The following JMY variants were observed in gnomAD, a reference collection of about 807,000 sequenced individuals.
JMY encodes the protein junction mediating and regulatory protein, p53 cofactor.
In JMY, 46 loss-of-function variants were observed where a neutral mutation model predicts 103.3. That is an observed-to-expected ratio of 0.45 (90% CI 0.35 to 0.57). The LOEUF (loss-of-function observed/expected upper bound fraction) is 0.57. JMY is among the 20% of genes least tolerant of loss of function. The pLI is 0.00. For synonymous variants in JMY, 526 were observed against 489.3 expected (o/e 1.07, Z -0.99); for missense variants, 1,238 against 1,255.2 (o/e 0.99, Z 0.21).
chr5:79,266,831 A>G (rs1426498851), intron 1 of JMY, among the ~76,000 whole-genome samples: 1 of 152,162 alleles, frequency 6.6e-6, no homozygotes, highest in Non-Finnish European at 1.5e-5. Flanking sequence ...GTAGAAAGAC[A>G]GACACAGCTT....
At chr5:79,300,909 T>C in intron 6 of JMY, 46 bp downstream of exon 6, 1 of 1,441,236 alleles carries the variant, frequency 6.9e-7, no homozygotes, top group Non-Finnish European at 9.4e-7. Context: ...TTTATCCGTA[T>C]CTACTAATCT....
chr5:79,240,152 A>G (rs940933584), intron 1 of JMY, among the ~76,000 whole-genome samples: 1 of 151,160 alleles, frequency 6.6e-6, no homozygotes, highest in African/African-American at 2.4e-5. Flanking sequence ...AGTAGCTGGG[A>G]TTATAGGCGT....
chr5:79,305,584 AAGTTAC>A (rs1469896843), intron 6 of JMY, among the ~76,000 whole-genome samples: 1 of 152,206 alleles, frequency 6.6e-6, no homozygotes, highest in Non-Finnish European at 1.5e-5. Flanking sequence ...TACTGGTAAA[AAGTTAC>A]CAGAATATAG....
chr5:79,266,826 A>C (rs1745600280), intron 1 of JMY, among the ~76,000 whole-genome samples: 1 of 152,364 alleles, frequency 6.6e-6, no homozygotes, highest in Middle Eastern at 3.4e-3. Context: ...ACAAAGTAGA[A>C]AGACAGACAC....
rs1230378372 is a variant in JMY at position 79,325,099 on chromosome 5, A to G, written c.*3497A>G. 1 of 152,624 alleles carries G rather than the reference A, an allele frequency of 6.6e-6. No homozygotes were observed. Among genetic ancestry groups the G allele is most frequent in the Non-Finnish European group, 1.5e-5 (1 of 68,042 alleles). 9.5% of individuals were successfully genotyped at this position (152,624 alleles called of 1,614,324 possible). A position where few individuals can be genotyped will look rare whatever the true frequency, so the allele number is the denominator to read the frequency against. ...TCTCTCTGTTTGGAATGGGATCAGT[A>G]TACAATTAATACAATTTAATTTTAC... is the stretch of plus-strand genomic sequence containing the variant. On this transcript the variant is annotated 3_prime_UTR_variant, in exon 11 of 11. Coordinates refer to ENST00000396137, the MANE Select transcript of JMY (RefSeq NM_152405.5).
chr5:79,258,176 T>C (rs1352403035), intron 1 of JMY, among the ~76,000 whole-genome samples: 2 of 152,288 alleles, frequency 1.3e-5, no homozygotes, highest in East Asian at 3.9e-4. Context: ...TTACTACTTA[T>C]CTACAAAGGA....
In JMY at chr5:79,325,687, G is replaced by T. The variant is rs1336738407; in HGVS notation, c.*4085G>T. Reference sequence around the variant, plus strand: ...TCAGTAGTTATTTCTGAACTTTGCTGCAAAGTGCTCTTTAGTTAAAGCACA... The same window carrying T: ...TCAGTAGTTATTTCTGAACTTTGCTTCAAAGTGCTCTTTAGTTAAAGCACA... On this transcript the variant is annotated 3_prime_UTR_variant, in exon 11 of 11. Transcript: ENST00000396137. 1 of 152,124 alleles carries T rather than the reference G, an allele frequency of 6.6e-6. No homozygotes were observed. Among genetic ancestry groups the T allele is most frequent in the African/African-American group, 2.4e-5 (1 of 41,438 alleles). The allele number at this position is 152,124 out of a possible 1,614,324, so 9.4% of individuals were successfully genotyped here. A position where few individuals can be genotyped will look rare whatever the true frequency, so the allele number is the denominator to read the frequency against.
intron 6 of JMY, among the ~76,000 whole-genome samples, chr5:79,303,103 T>G (rs1050337849): frequency 2.6e-5 from 4 of 152,102 alleles, no homozygotes; most frequent in African/African-American, 9.7e-5. Context: ...AGTTTTAGAC[T>G]TGCATATAAG....
At chr5:79,275,536 A>G (rs1490982245) in intron 1 of JMY, among the ~76,000 whole-genome samples, 3 of 152,198 alleles carry the variant, frequency 2.0e-5, no homozygotes, top group Admixed American at 2.0e-4. Flanking sequence ...GCTGAAAGGC[A>G]TGAATAAACC....
chr5:79,285,985 C>T (rs1746256882), intron 2 of JMY, among the ~76,000 whole-genome samples: 1 of 152,150 alleles, frequency 6.6e-6, no homozygotes, highest in Non-Finnish European at 1.5e-5. Context: ...TAAAAACAGG[C>T]ACTGTTTTCT....
rs554765189 is a variant in JMY, at chr5:79,321,064, G to A, written c.*4-542G>A. 2.6e-5 allele frequency among the ~76,000 whole-genome samples: 4 copies of A among 152,346 alleles called. No homozygotes were observed. In the East Asian group the frequency reaches 5.8e-4, roughly 22 times the overall value. ...TGCTCATTAGCCACATGTAGCTACA[G>A]TATTAGAAAATGCAGAACTGTATTA... On this transcript the variant is annotated intron_variant, in intron 10 of 10. Coordinates refer to ENST00000396137, the MANE Select transcript of JMY (RefSeq NM_152405.5).
intron 1 of JMY, among the ~76,000 whole-genome samples, chr5:79,260,658 T>C (rs1164565724): frequency 2.0e-5 from 3 of 151,898 alleles, no homozygotes; most frequent in Non-Finnish European, 4.4e-5. Flanking sequence ...CCCAAAGTGC[T>C]GGGATTGCAG....
At chr5:79,309,041 T>A (rs1326622185) in intron 7 of JMY, among the ~76,000 whole-genome samples, 1 of 152,226 alleles carries the variant, frequency 6.6e-6, no homozygotes, top group African/African-American at 2.4e-5. Context: ...TTTTGTTAAT[T>A]AAGCTTTTTC....
intron 1 of JMY, among the ~76,000 whole-genome samples, chr5:79,263,028 G>T (rs140524974): frequency 1.3e-5 from 2 of 152,226 alleles, no homozygotes; most frequent in East Asian, 3.9e-4. Flanking sequence ...AGTGTTTGAG[G>T]GTTCGCTTAC....
intron 7 of JMY, among the ~76,000 whole-genome samples, chr5:79,310,962 T>TA (rs1258282404): frequency 6.6e-5 from 10 of 152,080 alleles, no homozygotes; most frequent in Non-Finnish European, 1.2e-4. Context: ...CCTGTCTCTA[T>TA]AAAAAATTTT....
chr5:79,279,501 T>G (rs920893527), intron 2 of JMY, among the ~76,000 whole-genome samples: 13 of 152,198 alleles, frequency 8.5e-5, no homozygotes, highest in Non-Finnish European at 1.5e-5. Flanking sequence ...ATAGGTTAAG[T>G]TGGAATATCA....
chr5:79,257,029 G>T (rs1745265838), intron 1 of JMY, among the ~76,000 whole-genome samples: 1 of 150,388 alleles, frequency 6.6e-6, no homozygotes, highest in African/African-American at 2.4e-5. Context: ...TTTTGGTTAA[G>T]TTCCACATTC....
chr5:79,285,879 A>G (rs1344825902), intron 2 of JMY, among the ~76,000 whole-genome samples: 14 of 152,230 alleles, frequency 9.2e-5, no homozygotes, highest in Non-Finnish European at 1.5e-4. Context: ...AAAAGCCAGT[A>G]TCCAAGTGCT....
chr5:79,266,064 G>A (rs1178562057), intron 1 of JMY, among the ~76,000 whole-genome samples: 9 of 152,114 alleles, frequency 5.9e-5, no homozygotes, highest in Non-Finnish European at 1.3e-4. Flanking sequence ...TTATAGGTGT[G>A]AGCCACCGTG....
Sources: allele counts gnomAD v4.1 joint callset (sites outside exome capture counted in the v4.1 genomes callset), GRCh38; gene constraint gnomAD v4.1.1; transcripts MANE v1.5; gene names NCBI Gene and HGNC (gene_info 2026-07-23, HGNC 2026-07-21).